The following CCSER1 variants were observed in gnomAD, a reference collection of about 807,000 sequenced individuals.
CCSER1 encodes the protein serine-rich coiled-coil domain-containing protein 1.
In CCSER1, 41 loss-of-function variants were observed where a neutral mutation model predicts 82.0. The ratio of observed to expected loss-of-function variants is 0.50; its 90% CI spans 0.39 to 0.65. CCSER1 has a LOEUF of 0.65. Among genes scored for constraint, CCSER1 ranks in the 30% least tolerant of loss-of-function variants. The pLI is 0.00. For missense variants in CCSER1, 1,119 were observed against 1,064.2 expected (o/e 1.05, Z -0.72); for synonymous variants, 414 against 383.9 (o/e 1.08, Z -0.92).
At chr4:91,198,212 A>G (rs191193054) in intron 10 of CCSER1, among the ~76,000 whole-genome samples, 7 of 152,306 alleles carry the variant, frequency 4.6e-5, no homozygotes, top group Admixed American at 3.9e-4. Context: ...AGTGAAAAGA[A>G]AAAGAGCTTC....
At position 91,296,483 on chromosome 4, in the gene CCSER1, A is replaced by ATATATATTTATT. The variant is rs1175690764; in HGVS notation, c.2217+210492_2217+210493insATATTTATTTAT. 2.1e-3 allele frequency among the ~76,000 whole-genome samples: 257 copies of ATATATATTTATT among 123,996 alleles called. 21 individuals are homozygous for ATATATATTTATT. Among genetic ancestry groups the ATATATATTTATT allele is most frequent in the African/African-American group, 6.9e-3 (202 of 29,162 alleles). The allele number at this position is 123,996 out of a possible 152,430, so 81.3% of individuals were successfully genotyped here. On this transcript the variant is annotated intron_variant, in intron 10 of 10. Coordinates refer to ENST00000509176, the MANE Select transcript of CCSER1 (RefSeq NM_001145065.2). ...TATATATATGTATATATATATATAT[A>ATATATATTTATT]TATTTTAATTAAATATACAGTTATC... is the stretch of plus-strand genomic sequence containing the variant.
intron 9 of CCSER1, among the ~76,000 whole-genome samples, chr4:90,966,944 C>T (rs62309779): frequency 0.33 from 50,388 of 151,970 alleles, 9,571 homozygotes; most frequent in Middle Eastern, 0.47. Flanking sequence ...ATATCCAAAA[C>T]AATCTTGAAA....
At position 91,099,563 on chromosome 4, in the gene CCSER1, C is replaced by T. The variant is rs113930593; in HGVS notation, c.2217+13569C>T. Among the ~76,000 whole-genome samples, 1,458 of 152,104 alleles carry T rather than the reference C, an allele frequency of 9.6e-3. 23 individuals are homozygous for T. The highest frequency in any genetic ancestry group is 0.032 in the African/African-American group (1,326 of 41,470). ...GAACACATGTCCAAGGTAGTTGGGGCGCAGCTTGGTTTTTTACATTTTAGA... is the reference window on the plus strand; with the variant it reads ...GAACACATGTCCAAGGTAGTTGGGGTGCAGCTTGGTTTTTTACATTTTAGA... On this transcript the variant is annotated intron_variant, in intron 10 of 10. Coordinates refer to ENST00000509176, the MANE Select transcript of CCSER1 (RefSeq NM_001145065.2).
At chr4:91,162,573 G>C (rs1377049589) in intron 10 of CCSER1, among the ~76,000 whole-genome samples, 2 of 152,078 alleles carry the variant, frequency 1.3e-5, no homozygotes, top group Admixed American at 1.3e-4. Flanking sequence ...ACTTTTTTTG[G>C]TTGCTAGGCT....
chr4:91,082,191 G>A (rs143745855), intron 9 of CCSER1, among the ~76,000 whole-genome samples: 15,333 of 151,732 alleles, frequency 0.1, 1,023 homozygotes, highest in East Asian at 0.27. Flanking sequence ...TAACCAAAAC[G>A]GCATGGTACT....
chr4:90,578,467 C>A (rs1195464448), intron 5 of CCSER1, among the ~76,000 whole-genome samples: 1 of 152,076 alleles, frequency 6.6e-6, no homozygotes, highest in Non-Finnish European at 1.5e-5. Context: ...CTGACCCTAC[C>A]TTTTGCCTAT....
chr4:90,852,065 G>A (rs1262986289), intron 8 of CCSER1, among the ~76,000 whole-genome samples: 1 of 152,092 alleles, frequency 6.6e-6, no homozygotes, highest in African/African-American at 2.4e-5. Flanking sequence ...AACTATAACA[G>A]TAGTTTTAGA....
chr4:91,405,719 G>A (rs141535227), intron 10 of CCSER1, among the ~76,000 whole-genome samples: 58 of 152,256 alleles, frequency 3.8e-4, no homozygotes, highest in African/African-American at 9.4e-4. Context: ...TGCTAAGACC[G>A]TTGGAAAAGC....
At chr4:90,496,140 A>G (rs1026452350) in intron 5 of CCSER1, among the ~76,000 whole-genome samples, 1 of 152,200 alleles carries the variant, frequency 6.6e-6, no homozygotes, top group African/African-American at 2.4e-5. Context: ...GTGATTCAGC[A>G]AAACCACGAT....
intron 9 of CCSER1, among the ~76,000 whole-genome samples, chr4:91,084,050 C>T (rs1267307040): frequency 6.6e-6 from 1 of 152,120 alleles, no homozygotes; most frequent in African/African-American, 2.4e-5. Flanking sequence ...CCTGCCTCAG[C>T]CTCCCGAGTA....
Position 91,602,010 on chromosome 4 carries a change from G to C in CCSER1, c.*2953G>C, listed in dbSNP as rs1214696119. 1 of 151,890 alleles carries C rather than the reference G, an allele frequency of 6.6e-6. No homozygotes were observed. Among genetic ancestry groups the C allele is most frequent in the East Asian group, 1.9e-4 (1 of 5,196 alleles). The allele number at this position is 151,890 out of a possible 1,614,324, so 9.4% of individuals were successfully genotyped here. A position where few individuals can be genotyped will look rare whatever the true frequency, so the allele number is the denominator to read the frequency against. On this transcript the variant is annotated 3_prime_UTR_variant, in exon 11 of 11. Coordinates refer to ENST00000509176, the MANE Select transcript of CCSER1 (RefSeq NM_001145065.2). ...CTCCCGAATTATTTTTGCTTCTTTG[G>C]AGCACCATAGTCTTTGTTCAAATCA...
intron 10 of CCSER1, among the ~76,000 whole-genome samples, chr4:91,178,324 G>C (rs1186672510): frequency 1.3e-5 from 2 of 152,106 alleles, no homozygotes; most frequent in Non-Finnish European, 2.9e-5. Flanking sequence ...ATGTCTATTA[G>C]GTCTGCTTGG....
chr4:91,133,442 A>G (rs1728180513), intron 10 of CCSER1, among the ~76,000 whole-genome samples: 1 of 152,208 alleles, frequency 6.6e-6, no homozygotes, highest in Non-Finnish European at 1.5e-5. Flanking sequence ...TATATTTACC[A>G]TAATGGGCAT....
intron 4 of CCSER1, among the ~76,000 whole-genome samples, chr4:90,406,225 A>T (rs1273063161): frequency 6.6e-6 from 1 of 152,202 alleles, no homozygotes; most frequent in East Asian, 1.9e-4. Flanking sequence ...ATTATACCAG[A>T]CAAAGCAAAC....
At chr4:91,351,199 T>C (rs1185648332) in intron 10 of CCSER1, among the ~76,000 whole-genome samples, 1 of 152,034 alleles carries the variant, frequency 6.6e-6, no homozygotes, top group East Asian at 1.9e-4. Flanking sequence ...CATATTACTT[T>C]ATTATAAAAT....
chr4:91,469,957 A>G (rs144887861), intron 10 of CCSER1, among the ~76,000 whole-genome samples: 59 of 152,320 alleles, frequency 3.9e-4, no homozygotes, highest in Non-Finnish European at 7.6e-4. Flanking sequence ...TTCATAAGCT[A>G]TGAAACTCAT....
At chr4:91,342,126 A>T (rs1205324098) in intron 10 of CCSER1, among the ~76,000 whole-genome samples, 1 of 152,202 alleles carries the variant, frequency 6.6e-6, no homozygotes, top group Non-Finnish European at 1.5e-5. Context: ...CACTACACTA[A>T]GCATTTGAAA....
At chr4:91,446,997 T>C (rs1755608007) in intron 10 of CCSER1, among the ~76,000 whole-genome samples, 1 of 152,112 alleles carries the variant, frequency 6.6e-6, no homozygotes, top group Non-Finnish European at 1.5e-5. Context: ...TAAGGGTAGC[T>C]GGACCATATC....
intron 8 of CCSER1, among the ~76,000 whole-genome samples, chr4:90,844,563 A>G (rs578036921): frequency 6.6e-6 from 1 of 152,032 alleles, no homozygotes; most frequent in African/African-American, 2.4e-5. Context: ...AATTTTACAT[A>G]TGGTTACTAA....
Sources: allele counts gnomAD v4.1 joint callset (sites outside exome capture counted in the v4.1 genomes callset), GRCh38; gene constraint gnomAD v4.1.1; transcripts MANE v1.5; gene names NCBI Gene and HGNC (gene_info 2026-07-23, HGNC 2026-07-21).